ITPR1: variants seen among roughly 807,000 people sequenced by gnomAD.
ITPR1 encodes the protein inositol 1,4,5-trisphosphate-gated calcium channel ITPR1.
ITPR1 carries 96 observed loss-of-function variants against 318.4 expected under a neutral mutation model. That is an observed-to-expected ratio of 0.30 (90% CI 0.26 to 0.36). ITPR1 has a LOEUF of 0.36. ITPR1 is among the 10% of genes least tolerant of loss of function. The probability of loss-of-function intolerance (pLI) is 1.00; values close to 1 mark genes in which losing one functional copy is unlikely to be tolerated. For synonymous variants in ITPR1, 1,312 were observed against 1,289.9 expected (o/e 1.02, Z -0.37); for missense variants, 2,440 against 3,460.2 (o/e 0.71, Z 7.40).
At chr3:4,652,295 C>A in intron 11 of ITPR1, 77 bp downstream of exon 11, 2 of 1,023,684 alleles carry the variant, frequency 2.0e-6, no homozygotes, top group South Asian at 2.8e-5. Context: ...CTGTAGCCGT[C>A]GTGTTGTAAA....
intron 44 of ITPR1, among the ~76,000 whole-genome samples, chr3:4,763,852 A>G (rs3805010): frequency 0.17 from 26,569 of 152,262 alleles, 3,392 homozygotes; most frequent in East Asian, 0.42. Flanking sequence ...GTGGCAGGCT[A>G]TCTGTGTGTG....
intron 4 of ITPR1, among the ~76,000 whole-genome samples, chr3:4,566,497 C>T (rs549318259): frequency 2.6e-5 from 4 of 152,114 alleles, no homozygotes; most frequent in African/African-American, 9.6e-5. Context: ...TGGGTCAGTT[C>T]AGCCAAGTAA....
In ITPR1 at chr3:4,744,930, T is replaced by C. The variant is rs201365278; in HGVS notation, c.5544+9576T>C. Among the ~76,000 whole-genome samples the C allele has an allele frequency of 2.5e-3, 114 of 45,326 alleles. 2 individuals carry two copies. The East Asian group carries it at 0.038, about 15-fold the overall frequency. The allele number at this position is 45,326 out of a possible 152,430, so 29.7% of individuals were successfully genotyped here. The stretch of plus-strand genomic sequence containing the variant: ...CTTCCTTCCTTCCTTCCTTCCTTCC[T>C]TCCTTCCTTCCTTCCTTCCCTCCCT... On this transcript the variant is annotated intron_variant, in intron 44 of 61. Transcript: ENST00000649015.
chr3:4,794,003 G>A (rs964973734), intron 52 of ITPR1, among the ~76,000 whole-genome samples: 5 of 152,252 alleles, frequency 3.3e-5, no homozygotes, highest in Admixed American at 1.3e-4. Context: ...GGCTGCTGTC[G>A]CAAAGTTACA....
At chr3:4,732,987 C>T in intron 42 of ITPR1, 101 bp from the exon 43 acceptor site, 1 of 1,184,394 alleles carries the variant, frequency 8.4e-7, no homozygotes, top group South Asian at 1.3e-5. Context: ...CCAAGTGAAA[C>T]TGGGCCAATT....
At chr3:4,496,924 G>C (rs774400488) in intron 2 of ITPR1, among the ~76,000 whole-genome samples, 13 of 152,220 alleles carry the variant, frequency 8.5e-5, no homozygotes, top group Non-Finnish European at 1.8e-4. Context: ...TAGGTTTCTA[G>C]GTCAAGCTGT....
At chr3:4,755,532 C>G (rs982774085) in intron 44 of ITPR1, among the ~76,000 whole-genome samples, 2 of 151,982 alleles carry the variant, frequency 1.3e-5, no homozygotes, top group African/African-American at 4.8e-5. Context: ...AGCCACCATA[C>G]TGGACCCTGA....
chr3:4,840,789 C>T (rs1449107451), intron 61 of ITPR1, among the ~76,000 whole-genome samples: 3 of 152,140 alleles, frequency 2.0e-5, no homozygotes, highest in Non-Finnish European at 4.4e-5. Flanking sequence ...CATTCTTATT[C>T]CAAGGAGGAG....
intron 50 of ITPR1, 69 bp downstream of exon 50, chr3:4,782,810 GC>G (rs1303316994): frequency 1.0e-5 from 14 of 1,374,100 alleles, no homozygotes; most frequent in Middle Eastern, 2.5e-4. Context: ...GCTGGAGGGT[GC>G]CCCCAGTCTT....
At chr3:4,697,495 A>G (rs2094579552) in intron 34 of ITPR1, among the ~76,000 whole-genome samples, 1 of 118,406 alleles carries the variant, frequency 8.4e-6, no homozygotes, top group Admixed American at 1.1e-4. Context: ...TCTGTTACCT[A>G]GGCTGGAGTG....
At chr3:4,633,968 T>C (rs559659096) in intron 5 of ITPR1, among the ~76,000 whole-genome samples, 17 of 152,360 alleles carry the variant, frequency 1.1e-4, no homozygotes, top group South Asian at 8.3e-4. Context: ...TTCAGTCACC[T>C]TTCTATTGTC....
intron 4 of ITPR1, among the ~76,000 whole-genome samples, chr3:4,537,764 C>T (rs1220098600): frequency 6.6e-6 from 1 of 152,208 alleles, no homozygotes; most frequent in Non-Finnish European, 1.5e-5. Context: ...TGCAGCCCTG[C>T]TGATACCTTG....
At chr3:4,730,184 T>C (rs2042803231) in intron 42 of ITPR1, among the ~76,000 whole-genome samples, 1 of 149,344 alleles carries the variant, frequency 6.7e-6, no homozygotes, top group Non-Finnish European at 1.5e-5. Context: ...TCTCAGTCTT[T>C]ATTCTTTCAA....
intron 44 of ITPR1, among the ~76,000 whole-genome samples, chr3:4,753,077 G>C (rs1014895559): frequency 6.6e-6 from 1 of 152,236 alleles, no homozygotes; most frequent in Non-Finnish European, 1.5e-5. Flanking sequence ...AAGAGAAGGA[G>C]CTGTGTGAAG....
intron 2 of ITPR1, among the ~76,000 whole-genome samples, chr3:4,496,435 C>A (rs1213295144): frequency 6.6e-6 from 1 of 152,110 alleles, no homozygotes; most frequent in Non-Finnish European, 1.5e-5. Flanking sequence ...AGGGAAAGTT[C>A]TTCATGTTCT....
At chr3:4,675,570 G>A (rs1340387260) in intron 23 of ITPR1, among the ~76,000 whole-genome samples, 1 of 152,108 alleles carries the variant, frequency 6.6e-6, no homozygotes, top group African/African-American at 2.4e-5. Context: ...CAATTTGAAA[G>A]TTACTTAACA....
intron 4 of ITPR1, among the ~76,000 whole-genome samples, chr3:4,625,425 C>T (rs1355149281): frequency 6.6e-6 from 1 of 152,144 alleles, no homozygotes; most frequent in Non-Finnish European, 1.5e-5. Flanking sequence ...GTTCAAGGCA[C>T]TTTAAGGGAA....
At chr3:4,730,190 T>C (rs1295527899) in intron 42 of ITPR1, among the ~76,000 whole-genome samples, 1 of 149,372 alleles carries the variant, frequency 6.7e-6, no homozygotes, top group Admixed American at 6.6e-5. Flanking sequence ...TCTTTATTCT[T>C]TCAAAAAAGG....
chr3:4,727,941 AC>A (rs2042639787), intron 42 of ITPR1, among the ~76,000 whole-genome samples: 1 of 152,160 alleles, frequency 6.6e-6, no homozygotes, highest in South Asian at 2.1e-4. Flanking sequence ...GCCAACAGAC[AC>A]AGGCACATTT....
Sources: gnomAD v4.1 joint callset for allele counts (sites outside exome capture counted in the v4.1 genomes callset) on GRCh38, gnomAD v4.1.1 for gene constraint, MANE v1.5 for transcripts, NCBI Gene and HGNC (gene_info 2026-07-23, HGNC 2026-07-21) for gene names.